Variants in CD48 observed in about 807,000 individuals in gnomAD.
CD48 encodes the protein CD48 antigen.
In CD48, 20 loss-of-function variants were observed where a neutral mutation model predicts 22.0. That is an observed-to-expected ratio of 0.91 (90% CI 0.64 to 1.32). The LOEUF is 1.32. Ranked by LOEUF, CD48 falls within the 40% of genes most tolerant of loss-of-function variation. CD48 has a pLI of 0.00. For missense variants in CD48, 307 were observed against 286.5 expected, an observed-to-expected ratio of 1.07 and a Z score of -0.52; for synonymous variants, 110 against 110.1, an observed-to-expected ratio of 1.00 and a Z score of 0.01.
chr1:160,685,613 T>C (rs1384236221), intron 1 of CD48, among the ~76,000 whole-genome samples: 1 of 152,200 alleles, frequency 6.6e-6, no homozygotes, highest in Admixed American at 6.5e-5. Context: ...AAAAAGTACA[T>C]GATTCTGTTT....
At chr1:160,681,588 T>C (rs1661806132) in intron 2 of CD48, 120 bp from the exon 3 acceptor site, 2 of 1,287,366 alleles carry the variant, frequency 1.6e-6, no homozygotes, top group Non-Finnish European at 1.1e-6. Flanking sequence ...GGCAGAGTCA[T>C]GAAGAAGAAG....
intron 1 of CD48, among the ~76,000 whole-genome samples, 200 bp downstream of exon 1, chr1:160,711,482 C>T (rs1395083708): frequency 6.6e-6 from 1 of 152,168 alleles, no homozygotes; most frequent in African/African-American, 2.4e-5. Context: ...ATCACATCCC[C>T]GTGGGAAAGG....
At chr1:160,705,818 A>G (rs35206837) in intron 1 of CD48, among the ~76,000 whole-genome samples, 40,784 of 151,976 alleles carry the variant, frequency 0.27, 6,238 homozygotes, top group Non-Finnish European at 0.36. Flanking sequence ...GTGCATTGTA[A>G]GATGTTTGCC....
chr1:160,697,928 C>A (rs1195265096), intron 1 of CD48, among the ~76,000 whole-genome samples: 7 of 152,046 alleles, frequency 4.6e-5, no homozygotes, highest in African/African-American at 9.7e-5. Context: ...GTCTTTCTAC[C>A]TTTGGGAATG....
At chr1:160,684,676 A>G (rs1216613182) in intron 2 of CD48, 1 of 1,411,716 alleles carries the variant, frequency 7.1e-7, no homozygotes, top group South Asian at 1.4e-5. Context: ...ACTTCAGAAG[A>G]GGTGTTAAAT....
At chr1:160,689,935 G>A (rs1287784560) in intron 1 of CD48, among the ~76,000 whole-genome samples, 1 of 152,168 alleles carries the variant, frequency 6.6e-6, no homozygotes, top group Non-Finnish European at 1.5e-5. Context: ...CCTGTATAAT[G>A]GCGTTTGGCT....
chr1:160,685,052 A>G lies in CD48; in HGVS notation c.220T>C (p.Ser74Pro), dbSNP rs1661946989. 3 of 1,614,102 alleles carry G rather than the reference A, an allele frequency of 1.9e-6. No homozygotes were observed. Among genetic ancestry groups the G allele is most frequent in the Non-Finnish European group, 2.5e-6 (3 of 1,180,020 alleles). Residue 74 changes from serine (S) to proline (P), a missense_variant, in exon 2 of 4, where the codon TCT (serine) becomes CCT (proline). Physicochemically the swap from Ser to Pro is moderately conservative, Grantham distance 74. Coordinates refer to ENST00000368046, the MANE Select transcript of CD48 (RefSeq NM_001778.4). ...QKIVEWDSRK[S>P]KYFESKFKGR... ...TTAAATTTGGATTCAAAGTACTTAG[A>G]TTTTCTGGAATCCCATTCTACAATC...
chr1:160,682,163 C>T (rs971779573), intron 2 of CD48, among the ~76,000 whole-genome samples: 91 of 152,140 alleles, frequency 6.0e-4, no homozygotes, highest in African/African-American at 2.1e-3. Context: ...AAGGATAAAA[C>T]ACAGCCGGGT....
intron 1 of CD48, among the ~76,000 whole-genome samples, chr1:160,709,658 A>T (rs1201317135): frequency 1.3e-5 from 2 of 152,224 alleles, no homozygotes; most frequent in African/African-American, 4.8e-5. Context: ...GAAGAGAGCT[A>T]AGAGTGCTTC....
At chr1:160,702,789 T>C (rs924627632) in intron 1 of CD48, among the ~76,000 whole-genome samples, 6 of 152,174 alleles carry the variant, frequency 3.9e-5, no homozygotes, top group African/African-American at 1.4e-4. Context: ...CTTTAATATA[T>C]GCAGGCAACA....
chr1:160,707,709 G>C (rs564108831), intron 1 of CD48, among the ~76,000 whole-genome samples: 2 of 152,120 alleles, frequency 1.3e-5, no homozygotes, highest in Non-Finnish European at 2.9e-5. Context: ...TAGCCACTGT[G>C]GGAAATGGGA....
chr1:160,685,881 C>A (rs1661980259), intron 1 of CD48, among the ~76,000 whole-genome samples: 1 of 152,110 alleles, frequency 6.6e-6, no homozygotes, highest in African/African-American at 2.4e-5. Context: ...TGCTTAGGTT[C>A]AACAAAGTAT....
chr1:160,697,284 A>G (rs1247945261), intron 1 of CD48, among the ~76,000 whole-genome samples: 249 of 148,500 alleles, frequency 1.7e-3, no homozygotes, highest in African/African-American at 6.4e-3. Context: ...TTGAAGTTCT[A>G]CAATGAACCC....
chr1:160,706,333 C>CA (rs1252225576), intron 1 of CD48, among the ~76,000 whole-genome samples: 1 of 152,126 alleles, frequency 6.6e-6, no homozygotes, highest in Non-Finnish European at 1.5e-5. Context: ...TTCGGCCTCC[C>CA]AAAGTGCTGG....
chr1:160,694,356 G>T (rs1662333545), intron 1 of CD48, among the ~76,000 whole-genome samples: 1 of 152,152 alleles, frequency 6.6e-6, no homozygotes, highest in Admixed American at 6.5e-5. Flanking sequence ...CAGCTTGAAG[G>T]ATTGGTAGAC....
intron 1 of CD48, among the ~76,000 whole-genome samples, chr1:160,703,845 C>A (rs1662708719): frequency 6.6e-6 from 1 of 152,254 alleles, no homozygotes; most frequent in East Asian, 1.9e-4. Flanking sequence ...AGAGCCAGAG[C>A]AAAGGCCCTG....
At chr1:160,693,662 G>A (rs143636863) in intron 1 of CD48, among the ~76,000 whole-genome samples, 3 of 152,378 alleles carry the variant, frequency 2.0e-5, no homozygotes, top group Non-Finnish European at 2.9e-5. Flanking sequence ...AAAACATTGG[G>A]CTAGTCAATG....
chr1:160,698,668 T>C (rs1038077868), intron 1 of CD48, among the ~76,000 whole-genome samples: 1 of 152,130 alleles, frequency 6.6e-6, no homozygotes, highest in Non-Finnish European at 1.5e-5. Flanking sequence ...CGTCAGATTT[T>C]TGTATTACAC....
intron 1 of CD48, among the ~76,000 whole-genome samples, chr1:160,692,730 T>C (rs1662270672): frequency 6.6e-6 from 1 of 152,126 alleles, no homozygotes; most frequent in Non-Finnish European, 1.5e-5. Flanking sequence ...GCGTGGCAAT[T>C]CCCAGTAACG....
Sources: gnomAD v4.1 joint callset for allele counts (sites outside exome capture counted in the v4.1 genomes callset) on GRCh38, gnomAD v4.1.1 for gene constraint, MANE v1.5 for transcripts, NCBI Gene and HGNC (gene_info 2026-07-23, HGNC 2026-07-21) for gene names.